Variants in ZPBP observed in about 807,000 individuals in gnomAD.
The protein encoded by ZPBP is zona pellucida-binding protein 1.
ZPBP carries 26 observed loss-of-function variants against 44.8 expected under a neutral mutation model. The observed-to-expected ratio is 0.58, with a 90% confidence interval of 0.43 to 0.81. The LOEUF (loss-of-function observed/expected upper bound fraction) is 0.81, where lower values mean the gene tolerates loss of function less well. ZPBP is among the 30% of genes least tolerant of loss of function. ZPBP has a pLI of 0.00. For missense variants in ZPBP, 409 were observed against 434.0 expected, an observed-to-expected ratio of 0.94 and a Z score of 0.51; for synonymous variants, 174 against 153.2, an observed-to-expected ratio of 1.14 and a Z score of -1.00.
intron 2 of ZPBP, among the ~76,000 whole-genome samples, chr7:49,855,290 CTCTT>C (rs1790370480): frequency 6.6e-6 from 1 of 152,160 alleles, no homozygotes; most frequent in East Asian, 1.9e-4. Flanking sequence ...ACGGTGTAGT[CTCTT>C]TCTTAGTGAA....
At chr7:49,908,238 A>T (rs1793211650) in intron 1 of ZPBP, among the ~76,000 whole-genome samples, 1 of 152,126 alleles carries the variant, frequency 6.6e-6, no homozygotes, top group Non-Finnish European at 1.5e-5. Flanking sequence ...CCTGAATTCC[A>T]AAAGGAGGAG....
At chr7:50,025,008 T>A (rs554197971) in intron 5 of ZPBP, among the ~76,000 whole-genome samples, 7 of 151,922 alleles carry the variant, frequency 4.6e-5, no homozygotes, top group Non-Finnish European at 7.4e-5. Context: ...TGCTTTCCTA[T>A]GTACTTGTAA....
chr7:49,938,897 T>C (rs1424820876), intron 7 of ZPBP, among the ~76,000 whole-genome samples: 2 of 152,236 alleles, frequency 1.3e-5, no homozygotes, highest in Non-Finnish European at 2.9e-5. Context: ...ACTTTTAAAA[T>C]GTATTTTTCC....
chr7:50,066,435 A>G (rs997839112), intron 3 of ZPBP, among the ~76,000 whole-genome samples: 1 of 152,056 alleles, frequency 6.6e-6, no homozygotes, highest in African/African-American at 2.4e-5. Flanking sequence ...TAGGTATGGT[A>G]GAGTTGTAAC....
At chr7:49,888,318 G>A (rs1791983648) in intron 2 of ZPBP, among the ~76,000 whole-genome samples, 1 of 152,086 alleles carries the variant, frequency 6.6e-6, no homozygotes, top group Non-Finnish European at 1.5e-5. Flanking sequence ...TGTCGATTTT[G>A]TTAACTCTGT....
chr7:50,022,768 T>C (rs768319582), intron 5 of ZPBP, among the ~76,000 whole-genome samples: 1 of 152,078 alleles, frequency 6.6e-6, no homozygotes, highest in Non-Finnish European at 1.5e-5. Flanking sequence ...TAGAGGCAGA[T>C]AGGTGTATAC....
At chr7:49,875,387 A>AAAAC (rs1476505605) in intron 2 of ZPBP, among the ~76,000 whole-genome samples, 11 of 149,738 alleles carry the variant, frequency 7.3e-5, no homozygotes, top group Non-Finnish European at 1.0e-4. Context: ...AAAAAAAAAA[A>AAAAC]AAAAAAAAAA....
chr7:49,988,496 G>A (rs551921499), intron 6 of ZPBP, among the ~76,000 whole-genome samples: 2 of 152,228 alleles, frequency 1.3e-5, no homozygotes, highest in South Asian at 4.2e-4. Context: ...TTCCAAAATT[G>A]TATGGGATTT....
chr7:49,990,726 T>C (rs1207347781), intron 6 of ZPBP, among the ~76,000 whole-genome samples: 2 of 152,150 alleles, frequency 1.3e-5, no homozygotes, highest in African/African-American at 4.8e-5. Context: ...CATTTTTGCA[T>C]GAAAATGAAC....
chr7:50,020,823 T>C (rs1179446848), intron 5 of ZPBP, among the ~76,000 whole-genome samples: 1 of 152,056 alleles, frequency 6.6e-6, no homozygotes, highest in African/African-American at 2.4e-5. Context: ...ACCAAGTGAA[T>C]GCTAAATCAA....
intron 5 of ZPBP, among the ~76,000 whole-genome samples, chr7:50,024,126 C>T (rs566775052): frequency 6.6e-6 from 1 of 151,858 alleles, no homozygotes; most frequent in Admixed American, 6.6e-5. Flanking sequence ...CTCATGCCTG[C>T]AGGATGGCTG....
intron 4 of ZPBP, among the ~76,000 whole-genome samples, chr7:50,048,728 A>G (rs918164170): frequency 6.6e-6 from 1 of 152,036 alleles, no homozygotes; most frequent in Non-Finnish European, 1.5e-5. Flanking sequence ...GGCATATTAT[A>G]AAAGAAAGCT....
At chr7:50,086,565 A>C (rs1380323567) in intron 2 of ZPBP, among the ~76,000 whole-genome samples, 1 of 152,106 alleles carries the variant, frequency 6.6e-6, no homozygotes, top group Non-Finnish European at 1.5e-5. Context: ...ACAATAACTG[A>C]AATGGGAAAT....
chr7:50,055,499 C>T (rs930333056), intron 4 of ZPBP, among the ~76,000 whole-genome samples: 1 of 152,090 alleles, frequency 6.6e-6, no homozygotes, highest in Non-Finnish European at 1.5e-5. Flanking sequence ...AACTCTAGGA[C>T]CAGAATTCCT....
intron 2 of ZPBP, among the ~76,000 whole-genome samples, chr7:49,859,788 GTGCACACACACA>G (rs1355977297): frequency 0.037 from 5,489 of 148,492 alleles, 314 homozygotes; most frequent in African/African-American, 0.13. Flanking sequence ...GTGCGCGTGC[GTGCACACACACA>G]CACACACACA....
At chr7:50,005,037 TAAA>T (rs71018443) in intron 6 of ZPBP, among the ~76,000 whole-genome samples, 25 of 105,776 alleles carry the variant, frequency 2.4e-4, no homozygotes, top group Admixed American at 5.2e-4. Flanking sequence ...TGAATCATTT[TAAA>T]AAAAAAAAAG....
chr7:50,013,780 A>G (rs1429774371), intron 6 of ZPBP, among the ~76,000 whole-genome samples: 1 of 152,092 alleles, frequency 6.6e-6, no homozygotes, highest in East Asian at 1.9e-4. Flanking sequence ...CTGATTTTCA[A>G]CTGAAAACTT....
At chr7:49,979,820 TATAC>T (rs1395803855) in intron 7 of ZPBP, among the ~76,000 whole-genome samples, 2 of 93,632 alleles carry the variant, frequency 2.1e-5, no homozygotes, top group African/African-American at 8.7e-5. Context: ...GTTCTGGAGT[TATAC>T]ATATATATAT....
chr7:50,088,107 G>A (rs369982355), intron 2 of ZPBP, among the ~76,000 whole-genome samples: 1 of 151,912 alleles, frequency 6.6e-6, no homozygotes, highest in East Asian at 1.9e-4. Context: ...AGAATTTAAA[G>A]TCCAAAAATA....
Sources: gnomAD v4.1 joint callset for allele counts (sites outside exome capture counted in the v4.1 genomes callset) on GRCh38, gnomAD v4.1.1 for gene constraint, MANE v1.5 for transcripts, NCBI Gene and HGNC (gene_info 2026-07-23, HGNC 2026-07-21) for gene names.